SKA2: variants seen among roughly 807,000 people sequenced by gnomAD.
SKA2 encodes the protein spindle and kinetochore-associated protein 2.
SKA2 carries 13 observed loss-of-function variants against 16.9 expected under a neutral mutation model. The observed-to-expected ratio is 0.77, with a 90% CI of 0.50 to 1.22. SKA2 has a LOEUF of 1.22. SKA2 is among the 50% of genes most tolerant of loss of function. SKA2 has a pLI of 0.00. For missense variants in SKA2, 107 were observed against 139.7 expected (o/e 0.77, Z 1.18); for synonymous variants, 47 against 48.5 (o/e 0.97, Z 0.13).
chr17:59,126,522 G>A (rs746861198), intron 2 of SKA2, among the ~76,000 whole-genome samples: 1 of 152,104 alleles, frequency 6.6e-6, no homozygotes, highest in Non-Finnish European at 1.5e-5. Flanking sequence ...AGGTATTAGA[G>A]GCTACTGCAA....
intron 2 of SKA2, among the ~76,000 whole-genome samples, chr17:59,129,975 A>C: frequency 8.1e-6 from 1 of 123,266 alleles, no homozygotes; most frequent in East Asian, 2.8e-4. Context: ...GAAGGGAGGA[A>C]GGGAGGGTAA....
chr17:59,113,131 G>T (rs572750795), intron 3 of SKA2, among the ~76,000 whole-genome samples: 1 of 152,044 alleles, frequency 6.6e-6, no homozygotes, highest in South Asian at 2.1e-4. Flanking sequence ...GCTGTGGTGG[G>T]AGGATCACTT....
Position 59,155,150 on chromosome 17 carries a change from A to C in SKA2, c.14T>G (p.Val5Gly). 6.2e-7 allele frequency: 1 copy of C among 1,613,464 alleles called. No individual in the cohort carries two copies. Among genetic ancestry groups the C allele is most frequent in the Non-Finnish European group, 8.5e-7 (1 of 1,179,808 alleles). Reference sequence around the variant, plus strand: ...ACTCACCATCAGTTCCAGCTTATCGACCTCCGCCTCCATGTTGAATAGTTG... The same window carrying C: ...ACTCACCATCAGTTCCAGCTTATCGCCCTCCGCCTCCATGTTGAATAGTTG... MEAE[V>G]DKLELMFQKA... The change falls in exon 1 of 4, where the codon GTC (valine) becomes GGC (glycine). Residue 5 changes from valine (V) to glycine (G), a missense_variant. Coordinates refer to ENST00000330137, the MANE Select transcript of SKA2 (RefSeq NM_182620.4).
At chr17:59,141,579 A>G (rs1599675414) in intron 1 of SKA2, among the ~76,000 whole-genome samples, 1 of 151,420 alleles carries the variant, frequency 6.6e-6, no homozygotes, top group East Asian at 1.9e-4. Flanking sequence ...AAAAAATACA[A>G]AAACTAGCCA....
At chr17:59,129,719 G>T (rs912795567) in intron 2 of SKA2, among the ~76,000 whole-genome samples, 3 of 151,876 alleles carry the variant, frequency 2.0e-5, no homozygotes, top group Non-Finnish European at 4.4e-5. Flanking sequence ...GCCGAGCATG[G>T]TAGCCTGCGC....
Position 59,142,219 on chromosome 17 carries a change from A to AGTACAT in SKA2, c.34-10858_34-10853dup, listed in dbSNP as rs369259652. On this transcript the variant is annotated intron_variant, in intron 1 of 3. Transcript: ENST00000330137. ...GAGAACAATCAGAGTAGGTCATGGTAGTACATGTAAGTGACAGGGATGGTG... is the reference window on the plus strand; with the variant it reads ...GAGAACAATCAGAGTAGGTCATGGTAGTACATGTACATGTAAGTGACAGGGATGGTG... 9.2e-3 allele frequency among the ~76,000 whole-genome samples: 1,403 copies of AGTACAT among 152,010 alleles called. 13 individuals carry two copies. Among genetic ancestry groups the AGTACAT allele is most frequent in the African/African-American group, 0.032 (1,337 of 41,456 alleles).
Position 59,144,737 on chromosome 17 carries a change from T to C in SKA2, c.33+10394A>G, listed in dbSNP as rs1329452627. Among the ~76,000 whole-genome samples the C allele has an allele frequency of 5.3e-5, 8 of 152,196 alleles. No individual in the cohort carries two copies. In the East Asian group the frequency reaches 1.5e-3, roughly 29 times the overall value. On this transcript the variant is annotated intron_variant, in intron 1 of 3. Coordinates refer to ENST00000330137, the MANE Select transcript of SKA2 (RefSeq NM_182620.4). ...GAGTAGTCTAAATCATAGAGACAGATAGTAGAATGGTAGTTGCTAGACGCT... is the reference window on the plus strand; with the variant it reads ...GAGTAGTCTAAATCATAGAGACAGACAGTAGAATGGTAGTTGCTAGACGCT...
intron 1 of SKA2, among the ~76,000 whole-genome samples, chr17:59,139,922 C>T (rs1322125707): frequency 6.6e-6 from 1 of 152,094 alleles, no homozygotes; most frequent in Non-Finnish European, 1.5e-5. Context: ...AAGAACAAAC[C>T]ACCTGGGAAC....
At chr17:59,133,400 A>G (rs925611842) in intron 1 of SKA2, among the ~76,000 whole-genome samples, 1 of 152,222 alleles carries the variant, frequency 6.6e-6, no homozygotes, top group Non-Finnish European at 1.5e-5. Context: ...AGTTTACTAC[A>G]GAAAGGAAAA....
chr17:59,117,067 G>A lies in SKA2; in HGVS notation c.297+2252C>T, dbSNP rs1030906263. On this transcript the variant is annotated intron_variant, in intron 3 of 3. Coordinates refer to ENST00000330137, the MANE Select transcript of SKA2 (RefSeq NM_182620.4). ...CCTGGCCTCGTAATCCTCCCTCCTCGGCCTCCCAAAGTGCTGGGATTACAG... is the reference window on the plus strand; with the variant it reads ...CCTGGCCTCGTAATCCTCCCTCCTCAGCCTCCCAAAGTGCTGGGATTACAG... 3.1e-4 allele frequency among the ~76,000 whole-genome samples: 47 copies of A among 151,604 alleles called. 1 individual carries two copies. Among genetic ancestry groups the A allele is most frequent in the African/African-American group, 2.4e-4 (10 of 41,258 alleles).
chr17:59,142,698 G>A (rs2046500671), intron 1 of SKA2, among the ~76,000 whole-genome samples: 1 of 151,636 alleles, frequency 6.6e-6, no homozygotes, highest in South Asian at 2.1e-4. Context: ...AAGCCGAGGT[G>A]GGTGGATCAC....
At chr17:59,122,058 G>T (rs977178506) in intron 2 of SKA2, among the ~76,000 whole-genome samples, 15 of 151,964 alleles carry the variant, frequency 9.9e-5, no homozygotes, top group Admixed American at 2.0e-4. Context: ...ACACCAGAAA[G>T]GATAGGATGT....
At chr17:59,139,683 A>G (rs575155217) in intron 1 of SKA2, among the ~76,000 whole-genome samples, 3 of 152,086 alleles carry the variant, frequency 2.0e-5, no homozygotes, top group South Asian at 4.2e-4. Context: ...CTTCTCTTCA[A>G]TGTACATTTA....
In SKA2 at chr17:59,123,021, CAAAAA is replaced by C. The variant is rs1197154280; in HGVS notation, c.121-3531_121-3527del. 1.8e-4 allele frequency among the ~76,000 whole-genome samples: 9 copies of C among 49,134 alleles called. No individual in the cohort carries two copies. The Admixed American group carries it at 2.1e-3, about 12-fold the overall frequency. 32.2% of individuals were successfully genotyped at this position (49,134 alleles called of 152,430 possible). On this transcript the variant is annotated intron_variant, in intron 2 of 3. Coordinates refer to ENST00000330137, the MANE Select transcript of SKA2 (RefSeq NM_182620.4). ...TGGGCGGCAGAGCAAAACCTTGTCT[CAAAAA>C]AAAAAAAAAAAAAGAAAAGAAAAGA...
intron 1 of SKA2, among the ~76,000 whole-genome samples, chr17:59,134,469 G>A (rs530371970): frequency 7.4e-4 from 112 of 152,132 alleles, no homozygotes; most frequent in African/African-American, 2.5e-3. Flanking sequence ...TTTATGAAAC[G>A]AAGTATTAAA....
At chr17:59,151,017 C>A in intron 1 of SKA2, 4 of 335,898 alleles carry the variant, frequency 1.2e-5, no homozygotes, top group Non-Finnish European at 1.8e-5. Context: ...CAAATTATGA[C>A]TTTCTAAAAG....
At chr17:59,144,842 T>C (rs577235982) in intron 1 of SKA2, among the ~76,000 whole-genome samples, 3 of 152,118 alleles carry the variant, frequency 2.0e-5, no homozygotes, top group Non-Finnish European at 4.4e-5. Flanking sequence ...TCTCACTCTG[T>C]CGCCCAGGTT....
intron 1 of SKA2, among the ~76,000 whole-genome samples, chr17:59,146,860 G>A (rs1455174746): frequency 6.6e-6 from 1 of 152,122 alleles, no homozygotes; most frequent in African/African-American, 2.4e-5. Flanking sequence ...TAGTAGAGAC[G>A]AGGTCTTGCT....
At chr17:59,114,027 T>C (rs2046280961) in intron 3 of SKA2, among the ~76,000 whole-genome samples, 1 of 152,126 alleles carries the variant, frequency 6.6e-6, no homozygotes, top group African/African-American at 2.4e-5. Flanking sequence ...GTATCACAAC[T>C]CTACACAATG....
Sources: gnomAD v4.1 joint callset for allele counts (sites outside exome capture counted in the v4.1 genomes callset) on GRCh38, gnomAD v4.1.1 for gene constraint, MANE v1.5 for transcripts, NCBI Gene and HGNC (gene_info 2026-07-23, HGNC 2026-07-21) for gene names.